Variants in CELF2 observed in about 807,000 individuals in gnomAD.
The protein encoded by CELF2 is CUG triplet repeat RNA-binding protein 2.
In CELF2, 8 loss-of-function variants were observed where a neutral mutation model predicts 62.6. The observed-to-expected ratio is 0.13, with a 90% CI of 0.07 to 0.23. The LOEUF is 0.23. CELF2 is among the 10% of genes least tolerant of loss of function. The pLI, the probability that CELF2 is intolerant of heterozygous loss-of-function variation, is 1.00. For missense variants in CELF2, 333 were observed against 671.0 expected (o/e 0.50, Z 5.56); for synonymous variants, 258 against 250.0 (o/e 1.03, Z -0.30).
At chr10:11,088,770 G>A (rs2047509351) in intron 1 of CELF2, among the ~76,000 whole-genome samples, 1 of 152,220 alleles carries the variant, frequency 6.6e-6, no homozygotes, top group South Asian at 2.1e-4. Flanking sequence ...CAGAGATGGT[G>A]GATGGCTTGT....
chr10:11,271,777 TTAAC>T (rs2083886503), intron 7 of CELF2, among the ~76,000 whole-genome samples: 1 of 152,096 alleles, frequency 6.6e-6, no homozygotes, highest in Non-Finnish European at 1.5e-5. Context: ...ATTTTACATT[TTAAC>T]TATCCCTCTT....
the CELF2 span, among the ~76,000 whole-genome samples, chr10:10,468,130 G>C: frequency 6.6e-6 from 1 of 152,052 alleles, no homozygotes; most frequent in Admixed American, 6.6e-5. Context: ...TGAAACTCTT[G>C]CAAAATTGTC....
At chr10:10,511,584 A>G in the CELF2 span, among the ~76,000 whole-genome samples, 2 of 152,106 alleles carry the variant, frequency 1.3e-5, no homozygotes, top group African/African-American at 2.4e-5. Flanking sequence ...CTCAGCAGAG[A>G]CCCTGGGAGC....
intron 1 of CELF2, among the ~76,000 whole-genome samples, chr10:11,100,688 C>T (rs1007813440): frequency 6.6e-6 from 1 of 152,126 alleles, no homozygotes; most frequent in Non-Finnish European, 1.5e-5. Context: ...AGGGTTTTTC[C>T]TATCCACAAA....
At chr10:10,952,615 C>T (rs2048447771) in intron 2 of CELF2, among the ~76,000 whole-genome samples, 1 of 149,780 alleles carries the variant, frequency 6.7e-6, no homozygotes, top group Admixed American at 6.7e-5. Flanking sequence ...AACATCTGTG[C>T]ATGTCTGTGT....
intron 1 of CELF2, among the ~76,000 whole-genome samples, chr10:11,121,892 A>G (rs2057826765): frequency 6.6e-6 from 1 of 152,160 alleles, no homozygotes; most frequent in Non-Finnish European, 1.5e-5. Flanking sequence ...GACGATGTAC[A>G]TTTAACTGAG....
intron 1 of CELF2, among the ~76,000 whole-genome samples, chr10:10,806,156 G>C (rs2055202507): frequency 6.6e-6 from 1 of 151,902 alleles, no homozygotes; most frequent in African/African-American, 2.4e-5. Flanking sequence ...TCACCACGAA[G>C]GGTATTTCCT....
At chr10:10,486,119 C>T in the CELF2 span, among the ~76,000 whole-genome samples, 7 of 152,188 alleles carry the variant, frequency 4.6e-5, no homozygotes, top group African/African-American at 1.2e-4. Context: ...TTTATTCTCC[C>T]GGAAATGTCA....
intron 2 of CELF2, among the ~76,000 whole-genome samples, chr10:11,197,143 T>C (rs1280187124): frequency 1.3e-5 from 2 of 152,070 alleles, no homozygotes; most frequent in Non-Finnish European, 2.9e-5. Flanking sequence ...GTTGAGTCTG[T>C]AGGCAGGGTA....
At chr10:10,543,930 CT>C in the CELF2 span, among the ~76,000 whole-genome samples, 1 of 152,194 alleles carries the variant, frequency 6.6e-6, no homozygotes, top group Non-Finnish European at 1.5e-5. Context: ...GCATGCGCCC[CT>C]AATGAGATAT....
At chr10:10,683,173 G>A in the CELF2 span, among the ~76,000 whole-genome samples, 3 of 152,146 alleles carry the variant, frequency 2.0e-5, no homozygotes, top group Non-Finnish European at 4.4e-5. Flanking sequence ...CATGAACAGC[G>A]TAAAGGCAGC....
At chr10:11,273,225 G>A (rs2084529993) in intron 7 of CELF2, among the ~76,000 whole-genome samples, 3 of 151,876 alleles carry the variant, frequency 2.0e-5, no homozygotes, top group African/African-American at 7.3e-5. Flanking sequence ...CCTGGGCTGG[G>A]TACCAGTACC....
chr10:10,885,071 G>A (rs577516810), intron 1 of CELF2, among the ~76,000 whole-genome samples: 105 of 152,162 alleles, frequency 6.9e-4, no homozygotes, highest in Middle Eastern at 6.8e-3. Flanking sequence ...GTGAAACCCC[G>A]TCTCTACTAA....
At chr10:10,969,192 G>A (rs1043916439) in intron 2 of CELF2, among the ~76,000 whole-genome samples, 5 of 152,294 alleles carry the variant, frequency 3.3e-5, no homozygotes, top group Admixed American at 1.3e-4. Flanking sequence ...GGGAGGCGGC[G>A]GTTGCAATGA....
At chr10:11,312,018 G>C (rs2094584360) in intron 9 of CELF2, among the ~76,000 whole-genome samples, 1 of 152,126 alleles carries the variant, frequency 6.6e-6, no homozygotes, top group Non-Finnish European at 1.5e-5. Flanking sequence ...GATAAATGCA[G>C]AACACCAAAG....
At chr10:10,900,368 C>T (rs901852041) in intron 1 of CELF2, among the ~76,000 whole-genome samples, 3 of 152,206 alleles carry the variant, frequency 2.0e-5, no homozygotes, top group African/African-American at 7.2e-5. Context: ...TAGAAAGTGA[C>T]ATTCCTCATA....
At chr10:11,033,580 A>T (rs1320942003) in intron 1 of CELF2, among the ~76,000 whole-genome samples, 1 of 152,170 alleles carries the variant, frequency 6.6e-6, no homozygotes, top group Non-Finnish European at 1.5e-5. Context: ...TTGACAGGTT[A>T]TTTGTTGAGG....
At chr10:10,769,772 AAT>A in the CELF2 span, among the ~76,000 whole-genome samples, 1 of 148,092 alleles carries the variant, frequency 6.8e-6, no homozygotes, top group African/African-American at 2.6e-5. Context: ...TCCAAAAAAT[AAT>A]AATAATAATA....
chr10:10,493,634 CA>C, the CELF2 span, among the ~76,000 whole-genome samples: 9 of 151,644 alleles, frequency 5.9e-5, no homozygotes, highest in African/African-American at 2.2e-4. Context: ...CAGATTCAAG[CA>C]ATTCTCCCAC....
Sources: allele counts gnomAD v4.1 joint callset (sites outside exome capture counted in the v4.1 genomes callset), GRCh38; gene constraint gnomAD v4.1.1; transcripts MANE v1.5; gene names NCBI Gene and HGNC (gene_info 2026-07-23, HGNC 2026-07-21).